The following SHC3 variants were observed in gnomAD, a reference collection of about 807,000 sequenced individuals.
SHC3 encodes the protein SHC-transforming protein 3.
A neutral mutation model predicts 60.4 loss-of-function variants in SHC3; 15 were observed. That is an observed-to-expected ratio of 0.25 (90% confidence interval 0.17 to 0.38). The LOEUF (loss-of-function observed/expected upper bound fraction) is 0.38. SHC3 is among the 10% of genes least tolerant of loss of function. SHC3 has a pLI of 1.00. For synonymous variants in SHC3, 294 were observed against 325.9 expected, an observed-to-expected ratio of 0.90 and a Z score of 1.05; for missense variants, 677 against 786.1, an observed-to-expected ratio of 0.86 and a Z score of 1.66.
chr9:89,124,685 C>G (rs1385051355), intron 1 of SHC3, among the ~76,000 whole-genome samples: 1 of 151,746 alleles, frequency 6.6e-6, no homozygotes, highest in Non-Finnish European at 1.5e-5. Context: ...CGGGGCCTGT[C>G]AGGGGGTGAG....
chr9:89,057,314 T>C (rs1004900363), intron 6 of SHC3, among the ~76,000 whole-genome samples: 14 of 95,162 alleles, frequency 1.5e-4, no homozygotes, highest in African/African-American at 4.9e-4. Context: ...TTTTCCTTTT[T>C]CTTTTTTTTT....
intron 4 of SHC3, among the ~76,000 whole-genome samples, chr9:89,073,861 G>A (rs947945690): frequency 4.6e-5 from 7 of 152,196 alleles, no homozygotes. Flanking sequence ...GAGTGCAGAG[G>A]TGAGCCCAGC....
At chr9:89,115,063 C>T (rs190251950) in intron 1 of SHC3, among the ~76,000 whole-genome samples, 1 of 152,214 alleles carries the variant, frequency 6.6e-6, no homozygotes, top group Admixed American at 6.5e-5. Flanking sequence ...ATTTGAATAC[C>T]ATGACCACCA....
intron 11 of SHC3, among the ~76,000 whole-genome samples, chr9:89,034,990 G>C (rs1389645513): frequency 6.6e-6 from 1 of 152,146 alleles, no homozygotes. Context: ...AGCAGAACAT[G>C]TTCCATATAA....
At chr9:89,162,450 C>T (rs1445558434) in intron 1 of SHC3, among the ~76,000 whole-genome samples, 5 of 151,300 alleles carry the variant, frequency 3.3e-5, no homozygotes, top group Non-Finnish European at 5.9e-5. Flanking sequence ...ATATCTACAA[C>T]TATCTGATCT....
At chr9:89,115,197 G>C (rs1313924843) in intron 1 of SHC3, among the ~76,000 whole-genome samples, 1 of 152,104 alleles carries the variant, frequency 6.6e-6, no homozygotes, top group Middle Eastern at 3.2e-3. Context: ...TGTCATTGCA[G>C]AGTCATGTCA....
In SHC3 at chr9:89,013,408, C is replaced by T. The variant is rs746632140; in HGVS notation, c.*39G>A. ...CGATTCTAGTCCACTCCAGGTCCTC[C>T]TGACCTGGTGCGCAGTGCTGGGAGC... On this transcript the variant is annotated 3_prime_UTR_variant, in exon 12 of 12. Coordinates refer to ENST00000375835, the MANE Select transcript of SHC3 (RefSeq NM_016848.6). 2.0e-6 allele frequency: 3 copies of T among 1,498,728 alleles called. No homozygotes were observed. Among genetic ancestry groups the T allele is most frequent in the East Asian group, 2.5e-5 (1 of 40,412 alleles). 92.8% of individuals were successfully genotyped at this position (1,498,728 alleles called of 1,614,324 possible). A position where few individuals can be genotyped will look rare whatever the true frequency, so the allele number is the denominator to read the frequency against.
Position 89,011,383 on chromosome 9 carries a change from T to C in SHC3, c.*2064A>G, listed in dbSNP as rs962105195. The C allele has an allele frequency of 1.3e-5, 2 of 152,258 alleles. No homozygotes were observed. Among genetic ancestry groups the C allele is most frequent in the African/African-American group, 4.8e-5 (2 of 41,456 alleles). The allele number at this position is 152,258 out of a possible 1,614,324, so 9.4% of individuals were successfully genotyped here. The stretch of plus-strand genomic sequence containing the variant: ...TAACTTGCATTTCCTACTTTGCTAT[T>C]GTCCCTGAATGTTATAATAGCATTT... On this transcript the variant is annotated 3_prime_UTR_variant, in exon 12 of 12. Transcript: ENST00000375835.
At chr9:89,128,525 A>C (rs1031310609) in intron 1 of SHC3, among the ~76,000 whole-genome samples, 9 of 152,156 alleles carry the variant, frequency 5.9e-5, no homozygotes, top group Non-Finnish European at 1.2e-4. Flanking sequence ...CACCTCATAC[A>C]GCTCGGTGCC....
intron 1 of SHC3, among the ~76,000 whole-genome samples, chr9:89,123,218 G>T (rs1248202223): frequency 6.6e-6 from 1 of 152,158 alleles, no homozygotes; most frequent in African/African-American, 2.4e-5. Flanking sequence ...TAAACATGTT[G>T]TAAAAAGAAT....
intron 6 of SHC3, among the ~76,000 whole-genome samples, chr9:89,062,281 A>C (rs1238676127): frequency 6.6e-6 from 1 of 152,204 alleles, no homozygotes; most frequent in African/African-American, 2.4e-5. Context: ...GCATCCCTAC[A>C]GGTGCCAGTA....
chr9:89,082,136 C>A (rs1021258865), intron 2 of SHC3, among the ~76,000 whole-genome samples: 18 of 152,168 alleles, frequency 1.2e-4, no homozygotes, highest in Non-Finnish European at 2.1e-4. Flanking sequence ...CCATGGCGAG[C>A]ACCTCCCCTC....
At chr9:89,125,112 G>A (rs1011309194) in intron 1 of SHC3, among the ~76,000 whole-genome samples, 1 of 152,104 alleles carries the variant, frequency 6.6e-6, no homozygotes, top group South Asian at 2.1e-4. Context: ...TTACATGGGA[G>A]CTGTGGGTCT....
chr9:89,035,858 T>TATATATATATA (rs1227111803), intron 11 of SHC3, among the ~76,000 whole-genome samples: 3 of 88,732 alleles, frequency 3.4e-5, no homozygotes, highest in African/African-American at 5.1e-5. Flanking sequence ...TAGATGTGTG[T>TATATATATATA]GTGTGTGTGT....
rs1825951403 is a variant in SHC3 at position 89,007,171 on chromosome 9, T to G, written c.*6276A>C. On this transcript the variant is annotated 3_prime_UTR_variant, in exon 12 of 12. Coordinates refer to ENST00000375835, the MANE Select transcript of SHC3 (RefSeq NM_016848.6). ...GCCAGGAGGAGGAAAGAAGGGAGGC[T>G]GGGATCACCTCCCGCCCCTTCTAGC... The G allele has an allele frequency of 1.3e-5, 2 of 152,258 alleles. No homozygotes were observed. Among genetic ancestry groups the G allele is most frequent in the South Asian group, 4.1e-4 (2 of 4,832 alleles). 9.4% of individuals were successfully genotyped at this position (152,258 alleles called of 1,614,324 possible).
At chr9:89,040,099 T>C (rs960948233) in intron 10 of SHC3, among the ~76,000 whole-genome samples, 1 of 138,958 alleles carries the variant, frequency 7.2e-6, no homozygotes, top group Admixed American at 7.1e-5. Flanking sequence ...ATCATCAGCA[T>C]CATCACCACC....
At chr9:89,017,537 T>TA (rs1479369042) in intron 11 of SHC3, among the ~76,000 whole-genome samples, 1 of 152,042 alleles carries the variant, frequency 6.6e-6, no homozygotes, top group Non-Finnish European at 1.5e-5. Context: ...CCTAAAACCA[T>TA]AAAAACCCTA....
intron 1 of SHC3, among the ~76,000 whole-genome samples, chr9:89,166,030 G>A (rs1826783903): frequency 6.6e-6 from 1 of 152,116 alleles, no homozygotes; most frequent in Non-Finnish European, 1.5e-5. Context: ...TGAGCTGTAG[G>A]TCTGACCTCA....
chr9:89,100,928 A>G (rs1825774033), intron 2 of SHC3, among the ~76,000 whole-genome samples: 1 of 152,198 alleles, frequency 6.6e-6, no homozygotes, highest in Non-Finnish European at 1.5e-5. Flanking sequence ...TAGATTTAAG[A>G]TTCAGCTTGT....
Sources: gnomAD v4.1 joint callset for allele counts (sites outside exome capture counted in the v4.1 genomes callset) on GRCh38, gnomAD v4.1.1 for gene constraint, MANE v1.5 for transcripts, NCBI Gene and HGNC (gene_info 2026-07-23, HGNC 2026-07-21) for gene names.